Variants in STAT5B observed in about 807,000 individuals in gnomAD.
STAT5B encodes signal transducer and activator of transcription 5B.
A neutral mutation model predicts 107.8 loss-of-function variants in STAT5B; 21 were observed. The ratio of observed to expected loss-of-function variants is 0.19; its 90% CI spans 0.14 to 0.28. The LOEUF (loss-of-function observed/expected upper bound fraction) is 0.28, where lower values mean the gene tolerates loss of function less well. STAT5B is among the 10% of genes least tolerant of loss of function. The pLI, the probability that STAT5B is intolerant of heterozygous loss-of-function variation, is 1.00. For missense variants in STAT5B, 565 were observed against 1,008.2 expected (o/e 0.56, Z 5.95); for synonymous variants, 325 against 401.7 (o/e 0.81, Z 2.28).
In STAT5B at chr17:42,202,331, G is replaced by T; in HGVS notation, c.2237+9C>A. The T allele has an allele frequency of 1.2e-6, 2 of 1,614,124 alleles. No individual in the cohort carries two copies. Among genetic ancestry groups the T allele is most frequent in the Non-Finnish European group, 1.7e-6 (2 of 1,179,954 alleles). The stretch of plus-strand genomic sequence containing the variant: ...CTCCCCTGTGGACCCCCACAAGAAT[G>T]CCACCTACTTCTGTGGGTACATGTT... On this transcript the variant is annotated intron_variant, in intron 18 of 18. Coordinates refer to ENST00000293328, the MANE Select transcript of STAT5B (RefSeq NM_012448.4).
chr17:42,221,023 C>T (rs980161095), intron 5 of STAT5B, among the ~76,000 whole-genome samples: 3 of 152,006 alleles, frequency 2.0e-5, no homozygotes, highest in Non-Finnish European at 4.4e-5. Context: ...ATGCGCGCAC[C>T]AGCATGTCTT....
intron 17 of STAT5B, 90 bp from the exon 18 acceptor site, chr17:42,202,537 C>G (rs2080053854): frequency 6.6e-7 from 1 of 1,517,244 alleles, no homozygotes; most frequent in South Asian, 1.1e-5. Flanking sequence ...TTGTCTTTCT[C>G]AGGGTGTAGA....
chr17:42,257,452 A>G (rs1220476928), intron 1 of STAT5B, among the ~76,000 whole-genome samples: 2 of 152,242 alleles, frequency 1.3e-5, no homozygotes, highest in Non-Finnish European at 2.9e-5. Flanking sequence ...ACATCTGTTC[A>G]TCCCTGCTGA....
At chr17:42,257,306 G>C (rs1227664407) in intron 1 of STAT5B, among the ~76,000 whole-genome samples, 1 of 152,148 alleles carries the variant, frequency 6.6e-6, no homozygotes, top group Non-Finnish European at 1.5e-5. Flanking sequence ...GAATCTTACA[G>C]GTCAATGACA....
chr17:42,212,903 G>C (rs530548241), intron 12 of STAT5B, among the ~76,000 whole-genome samples: 2 of 152,298 alleles, frequency 1.3e-5, no homozygotes, highest in South Asian at 2.1e-4. Context: ...TTTCTTTAAA[G>C]GCACCTAACA....
upstream of STAT5B, among the ~76,000 whole-genome samples, chr17:42,281,624 G>C (rs540766124): frequency 6.6e-6 from 1 of 152,256 alleles, no homozygotes; most frequent in African/African-American, 2.4e-5. Context: ...GGAGGGGAGA[G>C]GACGGGAGCG....
intron 1 of STAT5B, among the ~76,000 whole-genome samples, chr17:42,262,942 A>ATGTGTGTG (rs755220447): frequency 6.6e-5 from 3 of 45,428 alleles, no homozygotes; most frequent in East Asian, 6.3e-4. Flanking sequence ...ATGTATATAT[A>ATGTGTGTG]TGTGTGTGTG....
At chr17:42,269,065 GA>G (rs1204474639) in intron 1 of STAT5B, among the ~76,000 whole-genome samples, 1 of 151,876 alleles carries the variant, frequency 6.6e-6, no homozygotes, top group East Asian at 1.9e-4. Context: ...TATAGGCTCT[GA>G]ATTTATTTAA....
chr17:42,223,499 T>G lies in STAT5B; in HGVS notation c.433A>C (p.Asn145His). The G allele has an allele frequency of 6.2e-7, 1 of 1,614,170 alleles. No homozygotes were observed. The highest frequency in any genetic ancestry group is 2.2e-5 in the East Asian group (1 of 44,882). The change falls in exon 5 of 19, where the codon AAC becomes CAC. Residue 145 changes from asparagine (N) to histidine (H), a missense_variant. Around this residue, in one of 11 missense-constraint regions of STAT5B, gnomAD observed 54 missense variants for 49.7 expected, o/e 1.09. Transcript: ENST00000293328. ...AGTCGCAGCTCCTCAAACGTCTGGT[T>G]GATCTGGAGGTGTTTCTGGGACATG... ...DAMSQKHLQI[N>H]QTFEELRLVT...
intron 1 of STAT5B, among the ~76,000 whole-genome samples, chr17:42,255,441 A>C (rs1321997546): frequency 6.6e-6 from 1 of 152,242 alleles, no homozygotes. Flanking sequence ...CTCATTGCAC[A>C]TGCATCACTG....
At chr17:42,214,852 C>A (rs747598569) in intron 12 of STAT5B, among the ~76,000 whole-genome samples, 5 of 152,058 alleles carry the variant, frequency 3.3e-5, no homozygotes, top group Non-Finnish European at 5.9e-5. Context: ...TGGGCTCAGG[C>A]GATCCTCCCG....
chr17:42,222,119 T>TG (rs1671223566), intron 5 of STAT5B, among the ~76,000 whole-genome samples: 2 of 143,276 alleles, frequency 1.4e-5, no homozygotes, highest in South Asian at 2.2e-4. Flanking sequence ...CTGTGTGCTG[T>TG]GGGGGGTGTG....
chr17:42,266,128 T>A (rs2080669092), intron 1 of STAT5B, among the ~76,000 whole-genome samples: 1 of 152,240 alleles, frequency 6.6e-6, no homozygotes, highest in South Asian at 2.1e-4. Flanking sequence ...TGTATCTTCT[T>A]TTATTAGTTA....
At chr17:42,230,605 T>C (rs2080309515) in intron 2 of STAT5B, among the ~76,000 whole-genome samples, 1 of 152,000 alleles carries the variant, frequency 6.6e-6, no homozygotes, top group South Asian at 2.1e-4. Context: ...TTAAAATGCT[T>C]ATCAAATCTA....
intron 1 of STAT5B, among the ~76,000 whole-genome samples, chr17:42,255,475 A>C (rs911168332): frequency 6.6e-6 from 1 of 152,320 alleles, no homozygotes; most frequent in South Asian, 2.1e-4. Context: ...ACAAAGCAAA[A>C]ACTAAACAAT....
intron 1 of STAT5B, among the ~76,000 whole-genome samples, chr17:42,241,904 T>C (rs2080406635): frequency 6.6e-6 from 1 of 152,104 alleles, no homozygotes; most frequent in Non-Finnish European, 1.5e-5. Flanking sequence ...TTTTTCTAAA[T>C]ACTACCCTAT....
chr17:42,205,434 T>C (rs1343618225), intron 16 of STAT5B, among the ~76,000 whole-genome samples: 1 of 152,220 alleles, frequency 6.6e-6, no homozygotes, highest in East Asian at 1.9e-4. Flanking sequence ...TGGAGTGTCC[T>C]GACCTCAGTT....
intron 16 of STAT5B, among the ~76,000 whole-genome samples, chr17:42,203,772 GCGC>G (rs1317072240): frequency 6.6e-6 from 1 of 151,922 alleles, no homozygotes; most frequent in African/African-American, 2.4e-5. Context: ...GATTACAGGT[GCGC>G]ACCACCATGC....
At chr17:42,279,949 G>A (rs939699979), upstream of STAT5B, among the ~76,000 whole-genome samples, 140 of 152,208 alleles carry the variant, frequency 9.2e-4, 1 homozygote, top group African/African-American at 3.1e-3. Flanking sequence ...AATGTTCTGG[G>A]TCACTACCTC....
Sources: gnomAD v4.1 joint callset for allele counts (sites outside exome capture counted in the v4.1 genomes callset) on GRCh38, gnomAD v4.1.1 for gene constraint, gnomAD v4.1.1 regional missense constraint, MANE v1.5 for transcripts, NCBI Gene and HGNC (gene_info 2026-07-23, HGNC 2026-07-21) for gene names.